The following NKAIN2 variants were observed in gnomAD, a reference collection of about 807,000 sequenced individuals.
The protein encoded by NKAIN2 is sodium/potassium-transporting ATPase subunit beta-1-interacting protein 2.
NKAIN2 carries 14 observed loss-of-function variants against 32.6 expected under a neutral mutation model. The observed-to-expected ratio is 0.43, with a 90% CI of 0.28 to 0.67. NKAIN2 has a LOEUF of 0.67. Ranked by LOEUF, NKAIN2 falls within the 30% of genes least tolerant of loss-of-function variation. The pLI is 0.17. For missense variants in NKAIN2, 198 were observed against 258.3 expected (o/e 0.77, Z 1.60); for synonymous variants, 80 against 87.2 (o/e 0.92, Z 0.46).
At chr6:124,767,478 G>A (rs1370711622) in intron 4 of NKAIN2, among the ~76,000 whole-genome samples, 4 of 152,078 alleles carry the variant, frequency 2.6e-5, no homozygotes, top group Non-Finnish European at 2.9e-5. Flanking sequence ...TTAAGATGGG[G>A]AAGTCTGAGT....
At chr6:124,482,540 G>A (rs1777495548) in intron 3 of NKAIN2, among the ~76,000 whole-genome samples, 2 of 152,108 alleles carry the variant, frequency 1.3e-5, no homozygotes, top group South Asian at 4.1e-4. Flanking sequence ...TTTCTTACGG[G>A]CGAAATCCTT....
chr6:124,138,099 T>A (rs561784107), intron 1 of NKAIN2, among the ~76,000 whole-genome samples: 48 of 152,192 alleles, frequency 3.2e-4, no homozygotes, highest in African/African-American at 1.1e-3. Context: ...CTGCAAACTA[T>A]GCATCCAACA....
At chr6:124,631,088 T>C (rs1488172950) in intron 3 of NKAIN2, among the ~76,000 whole-genome samples, 2 of 152,218 alleles carry the variant, frequency 1.3e-5, no homozygotes, top group African/African-American at 4.8e-5. Context: ...GTCATTCCTT[T>C]GGTTCTAGCT....
chr6:124,623,374 T>G (rs1449387105), intron 3 of NKAIN2, among the ~76,000 whole-genome samples: 1 of 152,200 alleles, frequency 6.6e-6, no homozygotes, highest in Non-Finnish European at 1.5e-5. Context: ...CAGGAAACTC[T>G]CTATGCATGT....
chr6:124,713,130 AT>A (rs1262861728), intron 4 of NKAIN2, among the ~76,000 whole-genome samples: 6 of 152,186 alleles, frequency 3.9e-5, no homozygotes, highest in Admixed American at 3.3e-4. Context: ...CCACAAAAAA[AT>A]AACTTTACAT....
At chr6:124,267,606 C>T (rs1464201597) in intron 1 of NKAIN2, among the ~76,000 whole-genome samples, 1 of 151,486 alleles carries the variant, frequency 6.6e-6, no homozygotes, top group Non-Finnish European at 1.5e-5. Context: ...AATTTTTACA[C>T]AGAATTTTAA....
intron 3 of NKAIN2, among the ~76,000 whole-genome samples, chr6:124,604,355 A>G (rs188107541): frequency 9.3e-4 from 141 of 152,106 alleles, no homozygotes; most frequent in Non-Finnish European, 4.1e-4. Context: ...CTTATTTGCT[A>G]TTTTAATAGG....
chr6:124,739,484 A>G (rs550184693), intron 4 of NKAIN2, among the ~76,000 whole-genome samples: 72 of 152,010 alleles, frequency 4.7e-4, no homozygotes, highest in African/African-American at 1.7e-3. Flanking sequence ...TGTGTCAGAA[A>G]CTATTATCTT....
chr6:124,663,290 G>A (rs1784814027), intron 4 of NKAIN2, among the ~76,000 whole-genome samples: 1 of 151,954 alleles, frequency 6.6e-6, no homozygotes, highest in African/African-American at 2.4e-5. Flanking sequence ...AAATAGCCAG[G>A]TGTGGTGGTG....
chr6:124,383,387 A>C lies in NKAIN2; in HGVS notation c.273+28040A>C, dbSNP rs140976418. 1.2e-4 allele frequency among the ~76,000 whole-genome samples: 18 copies of C among 152,294 alleles called. No homozygotes were observed. The East Asian group carries it at 2.3e-3, about 20-fold the overall frequency. ...TTGTATAAGGTCACTTACCCACCAGAAACACTTCAGTGGCTTCCTGTAAGC... is the reference window on the plus strand; with the variant it reads ...TTGTATAAGGTCACTTACCCACCAGCAACACTTCAGTGGCTTCCTGTAAGC... On this transcript the variant is annotated intron_variant, in intron 3 of 6. Coordinates refer to ENST00000368417, the MANE Select transcript of NKAIN2 (RefSeq NM_001040214.3).
chr6:124,801,225 A>T (rs996088508), intron 5 of NKAIN2, among the ~76,000 whole-genome samples: 1 of 152,216 alleles, frequency 6.6e-6, no homozygotes. Flanking sequence ...TAACAAGCAG[A>T]TGGAAATAAC....
chr6:124,511,302 T>C (rs1359077964), intron 3 of NKAIN2, among the ~76,000 whole-genome samples: 5 of 152,148 alleles, frequency 3.3e-5, no homozygotes, highest in Non-Finnish European at 7.4e-5. Flanking sequence ...TTAAAAAATA[T>C]GTAAGCCTGA....
At chr6:124,021,302 AG>A (rs1432944678) in intron 1 of NKAIN2, among the ~76,000 whole-genome samples, 2 of 152,084 alleles carry the variant, frequency 1.3e-5, no homozygotes, top group Non-Finnish European at 2.9e-5. Context: ...TTTTTACATA[AG>A]AACACTGTTT....
At chr6:124,599,323 T>C (rs1782219540) in intron 3 of NKAIN2, among the ~76,000 whole-genome samples, 1 of 152,124 alleles carries the variant, frequency 6.6e-6, no homozygotes, top group African/African-American at 2.4e-5. Context: ...TAACTGATTT[T>C]GAAATATGGA....
chr6:124,117,245 C>T (rs1785660004), intron 1 of NKAIN2, among the ~76,000 whole-genome samples: 1 of 152,090 alleles, frequency 6.6e-6, no homozygotes, highest in African/African-American at 2.4e-5. Flanking sequence ...TATTTGCATG[C>T]CATAGGTAGG....
intron 3 of NKAIN2, among the ~76,000 whole-genome samples, chr6:124,642,086 G>A (rs1784015040): frequency 1.3e-5 from 2 of 152,088 alleles, no homozygotes; most frequent in Non-Finnish European, 2.9e-5. Context: ...TAACAAAGTA[G>A]GAACAGGAGT....
chr6:123,979,272 T>C (rs1026502076), intron 1 of NKAIN2, among the ~76,000 whole-genome samples: 1 of 152,204 alleles, frequency 6.6e-6, no homozygotes, highest in African/African-American at 2.4e-5. Context: ...TAATTTTAAA[T>C]TTTGTTTTGT....
rs544519880 is a variant in NKAIN2, at chr6:124,137,788, G to A, written c.55-145217G>A. Among the ~76,000 whole-genome samples the A allele has an allele frequency of 7.8e-4, 119 of 152,226 alleles. 1 individual carries two copies. Among genetic ancestry groups the A allele is most frequent in the Non-Finnish European group, 1.3e-3 (88 of 67,990 alleles). On this transcript the variant is annotated intron_variant, in intron 1 of 6. Transcript: ENST00000368417. ...AAAAGGACACCCAATTCAACAAATG[G>A]TGCTGGGAAAACTGGCAAGCCATAT... is the stretch of plus-strand genomic sequence containing the variant.
chr6:124,749,815 A>G (rs1342793280), intron 4 of NKAIN2, among the ~76,000 whole-genome samples: 3 of 151,990 alleles, frequency 2.0e-5, no homozygotes, highest in Non-Finnish European at 4.4e-5. Context: ...CTGATTCTTC[A>G]TAATTTGATC....
Sources: allele counts gnomAD v4.1 joint callset (sites outside exome capture counted in the v4.1 genomes callset), GRCh38; gene constraint gnomAD v4.1.1; transcripts MANE v1.5; gene names NCBI Gene and HGNC (gene_info 2026-07-23, HGNC 2026-07-21).